GRIN2A: variants seen among roughly 807,000 people sequenced by gnomAD.
GRIN2A encodes the protein glutamate ionotropic receptor NMDA type subunit 2A, also known as glutamate receptor ionotropic, NMDA 2A.
GRIN2A carries 22 observed loss-of-function variants against 113.4 expected under a neutral mutation model. The observed-to-expected ratio is 0.19, with a 90% CI of 0.14 to 0.28. The LOEUF (loss-of-function observed/expected upper bound fraction) is 0.28. Ranked by LOEUF, GRIN2A falls within the 10% of genes least tolerant of loss-of-function variation. The probability of loss-of-function intolerance (pLI) is 1.00; values close to 1 mark genes in which losing one functional copy is unlikely to be tolerated. For missense variants in GRIN2A, 1,502 were observed against 1,887.0 expected, an observed-to-expected ratio of 0.80 and a Z score of 3.78; for synonymous variants, 827 against 738.4, an observed-to-expected ratio of 1.12 and a Z score of -1.94.
At chr16:9,905,422 C>G (rs2044007287) in intron 3 of GRIN2A, among the ~76,000 whole-genome samples, 1 of 152,108 alleles carries the variant, frequency 6.6e-6, no homozygotes, top group Admixed American at 6.5e-5. Context: ...CAGATAATAT[C>G]AATGAGTAAA....
chr16:10,065,843 T>C (rs1411817126), intron 2 of GRIN2A, among the ~76,000 whole-genome samples: 1 of 152,072 alleles, frequency 6.6e-6, no homozygotes, highest in East Asian at 1.9e-4. Context: ...TGGACAAACA[T>C]TGGGAGGGGG....
At chr16:10,087,389 T>C (rs1162389031) in intron 2 of GRIN2A, among the ~76,000 whole-genome samples, 1 of 152,212 alleles carries the variant, frequency 6.6e-6, no homozygotes, top group African/African-American at 2.4e-5. Flanking sequence ...ACAGTGCCAC[T>C]TCCAGGAGAA....
At chr16:10,054,712 T>G (rs1033914924) in intron 2 of GRIN2A, among the ~76,000 whole-genome samples, 2 of 152,116 alleles carry the variant, frequency 1.3e-5, no homozygotes, top group Non-Finnish European at 2.9e-5. Flanking sequence ...AAGCTACATT[T>G]ATAAACACAG....
chr16:10,138,931 G>T (rs1368634449), intron 2 of GRIN2A, among the ~76,000 whole-genome samples: 1 of 152,162 alleles, frequency 6.6e-6, no homozygotes, highest in Non-Finnish European at 1.5e-5. Context: ...ATCCACTAAG[G>T]TCTGAGTACC....
intron 11 of GRIN2A, among the ~76,000 whole-genome samples, chr16:9,783,264 G>C (rs1902034016): frequency 6.6e-6 from 1 of 152,138 alleles, no homozygotes; most frequent in Admixed American, 6.5e-5. Context: ...TTTCACATGA[G>C]ACCCCGTCTA....
intron 9 of GRIN2A, among the ~76,000 whole-genome samples, chr16:9,825,750 G>T (rs926106559): frequency 2.0e-5 from 3 of 152,104 alleles, no homozygotes; most frequent in African/African-American, 7.2e-5. Context: ...TCAGCTGGGA[G>T]GAGGCCTGGC....
intron 2 of GRIN2A, among the ~76,000 whole-genome samples, chr16:10,127,170 T>A (rs1320377260): frequency 1.3e-5 from 2 of 151,888 alleles, no homozygotes; most frequent in Non-Finnish European, 2.9e-5. Context: ...AGGTAGAGAT[T>A]GCAGTGAGCA....
At chr16:9,908,121 C>T (rs532421454) in intron 3 of GRIN2A, among the ~76,000 whole-genome samples, 13 of 152,246 alleles carry the variant, frequency 8.5e-5, no homozygotes, top group Admixed American at 2.0e-4. Context: ...TGAACTCTGC[C>T]GGGCCTCATA....
At chr16:9,959,295 C>T (rs906563823) in intron 2 of GRIN2A, among the ~76,000 whole-genome samples, 1 of 152,180 alleles carries the variant, frequency 6.6e-6, no homozygotes, top group Non-Finnish European at 1.5e-5. Context: ...TTTTCCCACC[C>T]CTGACCCACC....
At chr16:9,766,317 G>A (rs1360503545) in intron 12 of GRIN2A, among the ~76,000 whole-genome samples, 1 of 152,180 alleles carries the variant, frequency 6.6e-6, no homozygotes, top group Non-Finnish European at 1.5e-5. Context: ...ACCCTGCAGG[G>A]ATGCTCACGG....
At chr16:9,779,438 C>T (rs922627623) in intron 11 of GRIN2A, among the ~76,000 whole-genome samples, 1 of 152,062 alleles carries the variant, frequency 6.6e-6, no homozygotes, top group South Asian at 2.1e-4. Flanking sequence ...ATCTGTATTC[C>T]CCATTGCTTA....
At chr16:10,005,348 G>T (rs999365216) in intron 2 of GRIN2A, among the ~76,000 whole-genome samples, 3 of 152,162 alleles carry the variant, frequency 2.0e-5, no homozygotes, top group African/African-American at 7.2e-5. Flanking sequence ...GTTTATATTT[G>T]TAAGCTTGTG....
intron 2 of GRIN2A, among the ~76,000 whole-genome samples, chr16:10,017,069 T>C (rs755801123): frequency 1.3e-5 from 2 of 152,192 alleles, no homozygotes; most frequent in Non-Finnish European, 2.9e-5. Flanking sequence ...CTGAAGAGCA[T>C]GCTGCTACTG....
intron 9 of GRIN2A, among the ~76,000 whole-genome samples, chr16:9,823,524 G>C (rs1443900241): frequency 6.6e-6 from 1 of 152,136 alleles, no homozygotes; most frequent in East Asian, 1.9e-4. Flanking sequence ...AGTGAAAAAG[G>C]AACCTGAACC....
chr16:10,170,476 C>T (rs1262166422), intron 2 of GRIN2A, among the ~76,000 whole-genome samples: 1 of 152,158 alleles, frequency 6.6e-6, no homozygotes, highest in Non-Finnish European at 1.5e-5. Flanking sequence ...TGCTAAGATA[C>T]CACATCTTAA....
chr16:10,089,364 T>A (rs1203123155), intron 2 of GRIN2A, among the ~76,000 whole-genome samples: 1 of 152,166 alleles, frequency 6.6e-6, no homozygotes, highest in Admixed American at 6.5e-5. Context: ...TTACAGTAAA[T>A]ATGTGCAATT....
chr16:9,768,011 G>A (rs1901024531), intron 12 of GRIN2A, among the ~76,000 whole-genome samples: 1 of 152,170 alleles, frequency 6.6e-6, no homozygotes, highest in African/African-American at 2.4e-5. Flanking sequence ...GGAGCCACAG[G>A]CTGGCTCTGT....
At chr16:9,883,787 G>A (rs1392110963) in intron 4 of GRIN2A, among the ~76,000 whole-genome samples, 1 of 152,204 alleles carries the variant, frequency 6.6e-6, no homozygotes, top group Non-Finnish European at 1.5e-5. Context: ...AGATCTGGTT[G>A]TATTTCTGTG....
intron 2 of GRIN2A, 55 bp from the exon 3 acceptor site, chr16:9,938,606 A>G: frequency 7.9e-7 from 1 of 1,265,598 alleles, no homozygotes; most frequent in Non-Finnish European, 1.1e-6. Context: ...GTTTATATAG[A>G]AGCACAAACT....
Sources: gnomAD v4.1 joint callset for allele counts (sites outside exome capture counted in the v4.1 genomes callset) on GRCh38, gnomAD v4.1.1 for gene constraint, MANE v1.5 for transcripts, NCBI Gene and HGNC (gene_info 2026-07-23, HGNC 2026-07-21) for gene names.